Variants in ZBTB20 observed in about 807,000 individuals in gnomAD.
ZBTB20 encodes zinc finger and BTB domain containing 20, also known as zinc finger and BTB domain-containing protein 20.
Under a neutral mutation model 56.9 loss-of-function variants are expected in ZBTB20, and 9 were observed. The ratio of observed to expected loss-of-function variants is 0.16; its 90% CI spans 0.10 to 0.28. ZBTB20 has a LOEUF of 0.28. Among genes scored for constraint, ZBTB20 ranks in the 10% least tolerant of loss-of-function variants. ZBTB20 has a pLI of 1.00. For synonymous variants in ZBTB20, 417 were observed against 420.7 expected (o/e 0.99, Z 0.11); for missense variants, 655 against 1,003.0 (o/e 0.65, Z 4.69).
chr3:114,736,121 C>G (rs2108567814), intron 5 of ZBTB20, among the ~76,000 whole-genome samples: 1 of 152,246 alleles, frequency 6.6e-6, no homozygotes, highest in African/African-American at 2.4e-5. Flanking sequence ...CATTCTAGCT[C>G]CACATTCCTG....
At chr3:115,088,739 CAA>C (rs905412687) in intron 1 of ZBTB20, among the ~76,000 whole-genome samples, 13 of 151,658 alleles carry the variant, frequency 8.6e-5, no homozygotes, top group East Asian at 3.9e-4. Flanking sequence ...CAGGAATGCT[CAA>C]GAGTCAGTTT....
chr3:115,046,985 C>T (rs969410950), intron 2 of ZBTB20, among the ~76,000 whole-genome samples: 2 of 152,120 alleles, frequency 1.3e-5, no homozygotes, highest in African/African-American at 2.4e-5. Flanking sequence ...CTACCACATA[C>T]GTTAGATGGT....
At chr3:114,488,396 A>G (rs114263359) in intron 7 of ZBTB20, among the ~76,000 whole-genome samples, 2 of 152,218 alleles carry the variant, frequency 1.3e-5, no homozygotes, top group South Asian at 2.1e-4. Context: ...TATTAGGGAT[A>G]TATCACAAAT....
intron 6 of ZBTB20, among the ~76,000 whole-genome samples, chr3:114,533,031 G>C (rs2048044133): frequency 6.6e-6 from 1 of 152,110 alleles, no homozygotes; most frequent in East Asian, 1.9e-4. Flanking sequence ...ACAAAGATGA[G>C]GAAAAACCAG....
chr3:115,127,558 A>T (rs765640503), intron 1 of ZBTB20, among the ~76,000 whole-genome samples: 1 of 152,188 alleles, frequency 6.6e-6, no homozygotes, highest in Non-Finnish European at 1.5e-5. Context: ...CATGCCATGC[A>T]CTCCAGCCTG....
At chr3:114,828,911 C>G (rs1373682113) in intron 4 of ZBTB20, among the ~76,000 whole-genome samples, 2 of 151,726 alleles carry the variant, frequency 1.3e-5, no homozygotes, top group South Asian at 4.1e-4. Flanking sequence ...GAATAGTAGC[C>G]CTTTACAATA....
At chr3:114,779,744 T>C (rs1578833303) in intron 5 of ZBTB20, among the ~76,000 whole-genome samples, 1 of 152,162 alleles carries the variant, frequency 6.6e-6, no homozygotes, top group East Asian at 1.9e-4. Context: ...AAATCAAGAG[T>C]CAAGAACATT....
intron 4 of ZBTB20, among the ~76,000 whole-genome samples, chr3:114,839,449 AAGAAAGAAAGAAAGAAAGAGAGAG>A (rs2074275811): frequency 2.0e-5 from 3 of 151,362 alleles, no homozygotes; most frequent in Admixed American, 6.6e-5. Context: ...GAAAGAAAGA[AAGAAAGAAAGAAAGAAAGAGAGAG>A]AGAAAGAAAG....
intron 2 of ZBTB20, among the ~76,000 whole-genome samples, chr3:114,988,909 G>A (rs2078675307): frequency 1.3e-5 from 2 of 152,174 alleles, no homozygotes; most frequent in Non-Finnish European, 2.9e-5. Flanking sequence ...CTTTTGAGAA[G>A]TGTCTGTTCA....
chr3:115,050,386 T>C (rs1486822948), intron 2 of ZBTB20, among the ~76,000 whole-genome samples: 1 of 151,914 alleles, frequency 6.6e-6, no homozygotes, highest in Non-Finnish European at 1.5e-5. Flanking sequence ...TTTTTTATGA[T>C]AAAATATAAA....
In ZBTB20 at chr3:115,061,715, T is replaced by C. The variant is rs563521677; in HGVS notation, c.-507+9504A>G. On this transcript the variant is annotated intron_variant, in intron 2 of 11. Coordinates refer to ENST00000675478, the MANE Select transcript of ZBTB20 (RefSeq NM_001348800.3). ...ACAAGAGTAAATTAGAGTGTTCTTG[T>C]ACACACACACAAGAGACCAAAAAAA... Among the ~76,000 whole-genome samples, 3 of 152,240 alleles carry C rather than the reference T, an allele frequency of 2.0e-5. No individual in the cohort carries two copies. In the South Asian group the frequency reaches 6.2e-4, roughly 32 times the overall value.
intron 6 of ZBTB20, among the ~76,000 whole-genome samples, chr3:114,676,212 G>T (rs1012113558): frequency 1.3e-5 from 2 of 152,102 alleles, no homozygotes; most frequent in African/African-American, 4.8e-5. Flanking sequence ...AACAAATTAC[G>T]TATTCATTTG....
chr3:114,445,694 T>C (rs1022432050), intron 7 of ZBTB20: 19 of 152,272 alleles, frequency 1.2e-4, no homozygotes, highest in African/African-American at 4.1e-4. Flanking sequence ...TCTAGAGAGA[T>C]TTTTGTAAAC....
chr3:115,026,027 A>G (rs2080408729), intron 2 of ZBTB20, among the ~76,000 whole-genome samples: 1 of 151,104 alleles, frequency 6.6e-6, no homozygotes, highest in South Asian at 2.1e-4. Context: ...TTGGATTAAT[A>G]GAAAAACACA....
intron 1 of ZBTB20, among the ~76,000 whole-genome samples, chr3:115,142,345 T>C (rs1006984121): frequency 1.3e-5 from 2 of 152,102 alleles, no homozygotes; most frequent in African/African-American, 4.8e-5. Flanking sequence ...CAATTAGCCA[T>C]TCTTCCATTT....
At chr3:114,384,108 CTCTCTCTCTCTCTCTCTCTCAT>C (rs1275767422) in intron 8 of ZBTB20, among the ~76,000 whole-genome samples, 1 of 140,852 alleles carries the variant, frequency 7.1e-6, no homozygotes, top group East Asian at 2.0e-4. Flanking sequence ...CATTCTCTCT[CTCTCTCTCTCTCTCTCTCTCAT>C]TCTCTCTCTC....
intron 7 of ZBTB20, among the ~76,000 whole-genome samples, chr3:114,456,897 C>T (rs546896958): frequency 7.2e-5 from 11 of 152,180 alleles, no homozygotes; most frequent in Non-Finnish European, 8.8e-5. Flanking sequence ...AGAAGAAAAC[C>T]GAAAGAAATG....
chr3:114,978,177 A>G (rs899982716), intron 2 of ZBTB20, among the ~76,000 whole-genome samples: 2 of 150,900 alleles, frequency 1.3e-5, no homozygotes, highest in African/African-American at 4.8e-5. Flanking sequence ...AGCAAAATAC[A>G]TGAATAGGCA....
intron 3 of ZBTB20, among the ~76,000 whole-genome samples, chr3:114,964,723 T>C (rs2077583778): frequency 6.6e-6 from 1 of 151,920 alleles, no homozygotes; most frequent in Non-Finnish European, 1.5e-5. Context: ...ATATGGGAGT[T>C]TGGAAGTTAG....
Sources: allele counts gnomAD v4.1 joint callset (sites outside exome capture counted in the v4.1 genomes callset), GRCh38; gene constraint gnomAD v4.1.1; transcripts MANE v1.5; gene names NCBI Gene and HGNC (gene_info 2026-07-23, HGNC 2026-07-21).